PHF14: variants seen among roughly 807,000 people sequenced by gnomAD.
The protein encoded by PHF14 is PHD finger protein 14.
PHF14 carries 55 observed loss-of-function variants against 117.9 expected under a neutral mutation model. That is an observed-to-expected ratio of 0.47 (90% CI 0.38 to 0.58). PHF14 has a LOEUF of 0.58. PHF14 is among the 20% of genes least tolerant of loss of function. The pLI is 0.00. For missense variants in PHF14, 978 were observed against 1,122.2 expected (o/e 0.87, Z 1.84); for synonymous variants, 409 against 368.6 (o/e 1.11, Z -1.26).
chr7:11,025,829 A>G (rs898133094), intron 6 of PHF14, among the ~76,000 whole-genome samples: 7 of 151,062 alleles, frequency 4.6e-5, no homozygotes, highest in African/African-American at 1.7e-4. Flanking sequence ...AGAAATTGCC[A>G]GGCTGGGTGC....
chr7:11,034,456 T>TAATTCCAC (rs2128321794), intron 7 of PHF14, among the ~76,000 whole-genome samples: 1 of 151,884 alleles, frequency 6.6e-6, no homozygotes, highest in Non-Finnish European at 1.5e-5. Context: ...GAGAGAGCTG[T>TAATTCCAC]AATTCCACTT....
At chr7:11,094,555 A>C (rs901748332) in intron 16 of PHF14, among the ~76,000 whole-genome samples, 1 of 152,128 alleles carries the variant, frequency 6.6e-6, no homozygotes, top group Non-Finnish European at 1.5e-5. Flanking sequence ...TTTACCATAC[A>C]AGATAACATA....
chr7:11,040,765 G>A lies in PHF14; in HGVS notation c.2170G>A (p.Val724Ile). 2 of 1,497,966 alleles carry A rather than the reference G, an allele frequency of 1.3e-6. No homozygotes were observed. The highest frequency in any genetic ancestry group is 1.8e-6 in the Non-Finnish European group (2 of 1,100,378). The allele number at this position is 1,497,966 out of a possible 1,614,324, so 92.8% of individuals were successfully genotyped here. Residue 724 changes from valine to isoleucine, a missense_variant, in exon 12 of 18, where the codon GTA becomes ATA. Around this residue, in one of 7 missense-constraint regions of PHF14, gnomAD observed 237 missense variants for 276.4 expected, o/e 0.86. Transcript: ENST00000634607. ...ACAAAAGACATCTACTCTTCCTGCA[G>A]TACTTTATAGGCAAGTAATGAAATT... is the stretch of plus-strand genomic sequence containing the variant. ...GTQKTSTLPA[V>I]LYSCGICKKN... is the part of the protein sequence containing the mutation.
intron 10 of PHF14, 50 bp downstream of exon 10, chr7:11,037,141 A>T: frequency 7.1e-7 from 1 of 1,409,496 alleles, no homozygotes. Context: ...CTTACTGATG[A>T]TTTCTTTTGT....
At chr7:11,161,067 A>G (rs1381831937) in intron 17 of PHF14, among the ~76,000 whole-genome samples, 1 of 152,170 alleles carries the variant, frequency 6.6e-6, no homozygotes, top group Non-Finnish European at 1.5e-5. Context: ...TAAATCTGTA[A>G]CACAACTTGA....
At chr7:11,065,511 A>G (rs1045860257) in intron 16 of PHF14, among the ~76,000 whole-genome samples, 5 of 152,178 alleles carry the variant, frequency 3.3e-5, no homozygotes, top group Non-Finnish European at 7.4e-5. Flanking sequence ...ATTTAATTCT[A>G]GAGCAAATTG....
chr7:11,002,069 G>A (rs1001900767), intron 4 of PHF14, among the ~76,000 whole-genome samples: 6 of 151,920 alleles, frequency 3.9e-5, no homozygotes, highest in Admixed American at 3.9e-4. Flanking sequence ...TTTTGAGACA[G>A]AGTCTCACTC....
chr7:11,103,372 T>C (rs1787154947), intron 16 of PHF14: 1 of 967,252 alleles, frequency 1.0e-6, no homozygotes, highest in Admixed American at 6.2e-5. Flanking sequence ...ACTTAGGAAA[T>C]AAGGAGGGAA....
intron 3 of PHF14, 56 bp from the exon 4 acceptor site, chr7:10,990,647 G>GTTT: frequency 1.0e-6 from 1 of 1,003,696 alleles, no homozygotes; most frequent in Non-Finnish European, 1.4e-6. Flanking sequence ...TAGTGATTAA[G>GTTT]TTTTTTTTTT....
chr7:10,976,874 C>T (rs1209815174), intron 2 of PHF14, among the ~76,000 whole-genome samples: 1 of 148,040 alleles, frequency 6.8e-6, no homozygotes, highest in Non-Finnish European at 1.5e-5. Context: ...TTCCTGGCCC[C>T]CTGGGGAGCT....
At chr7:11,094,091 G>A (rs994688793) in intron 16 of PHF14, among the ~76,000 whole-genome samples, 8 of 152,026 alleles carry the variant, frequency 5.3e-5, no homozygotes, top group African/African-American at 1.5e-4. Context: ...TGTGGTGGCC[G>A]CTCCCCTTCT....
At chr7:11,047,569 G>T (rs1036485875) in intron 13 of PHF14, among the ~76,000 whole-genome samples, 8 of 150,584 alleles carry the variant, frequency 5.3e-5, no homozygotes, top group African/African-American at 2.0e-4. Context: ...GCTGAGGCGG[G>T]CGGATCACTT....
intron 6 of PHF14, among the ~76,000 whole-genome samples, chr7:11,026,602 AG>A (rs1448093605): frequency 2.0e-5 from 3 of 152,310 alleles, no homozygotes; most frequent in African/African-American, 7.2e-5. Context: ...GTGGAACCAA[AG>A]TAAGGAAATT....
chr7:11,010,415 A>G (rs1753406765), intron 4 of PHF14, among the ~76,000 whole-genome samples: 1 of 151,970 alleles, frequency 6.6e-6, no homozygotes, highest in Admixed American at 6.6e-5. Flanking sequence ...TCCTTTGCTT[A>G]TCTTGTGTGT....
chr7:11,167,638 C>T (rs566744058), intron 17 of PHF14, among the ~76,000 whole-genome samples: 3 of 152,242 alleles, frequency 2.0e-5, no homozygotes, highest in East Asian at 1.9e-4. Context: ...TCTTGCCATC[C>T]GTACCTGCTG....
intron 4 of PHF14, 40 bp from the exon 5 acceptor site, chr7:11,013,707 A>G: frequency 8.4e-7 from 1 of 1,197,082 alleles, no homozygotes; most frequent in East Asian, 2.5e-5. Flanking sequence ...ACTTTAACAA[A>G]ATAAACCCTA....
At chr7:11,119,940 A>T (rs1210862233) in intron 17 of PHF14, among the ~76,000 whole-genome samples, 3 of 151,998 alleles carry the variant, frequency 2.0e-5, no homozygotes, top group African/African-American at 7.2e-5. Context: ...GGTTAGAAAC[A>T]TAAAGTGCAT....
chr7:11,111,179 G>T, intron 16 of PHF14, 171 bp from the exon 17 acceptor site: 1 of 476,102 alleles, frequency 2.1e-6, no homozygotes, highest in Non-Finnish European at 3.7e-6. Context: ...ATTTATTTCA[G>T]GTTTAGTTTG....
At chr7:11,112,731 A>C (rs1787486823) in intron 17 of PHF14, among the ~76,000 whole-genome samples, 5 of 152,086 alleles carry the variant, frequency 3.3e-5, no homozygotes. Context: ...AGATCACGCC[A>C]TTGCATGCCA....
Sources: gnomAD v4.1 joint callset for allele counts (sites outside exome capture counted in the v4.1 genomes callset) on GRCh38, gnomAD v4.1.1 for gene constraint, gnomAD v4.1.1 regional missense constraint, MANE v1.5 for transcripts, NCBI Gene and HGNC (gene_info 2026-07-23, HGNC 2026-07-21) for gene names.